The following UNC13C variants were observed in gnomAD, a reference collection of about 807,000 sequenced individuals.
UNC13C encodes protein unc-13 homolog C.
A neutral mutation model predicts 245.4 loss-of-function variants in UNC13C; 174 were observed. The ratio of observed to expected loss-of-function variants is 0.71; its 90% CI spans 0.63 to 0.80. The LOEUF is 0.80. Among genes scored for constraint, UNC13C ranks in the 30% least tolerant of loss-of-function variants. The pLI, the probability that UNC13C is intolerant of heterozygous loss-of-function variation, is 0.00. For synonymous variants in UNC13C, 992 were observed against 895.1 expected (o/e 1.11, Z -1.93); for missense variants, 2,829 against 2,602.9 (o/e 1.09, Z -1.89).
chr15:54,281,862 AT>A (rs2037006019), intron 10 of UNC13C, among the ~76,000 whole-genome samples: 1 of 152,050 alleles, frequency 6.6e-6, no homozygotes, highest in South Asian at 2.1e-4. Flanking sequence ...TCTCATTTTT[AT>A]TTTTTTTCTT....
intron 13 of UNC13C, among the ~76,000 whole-genome samples, chr15:54,310,243 A>G (rs1200844208): frequency 6.6e-6 from 1 of 151,846 alleles, no homozygotes; most frequent in Admixed American, 6.6e-5. Flanking sequence ...TGTTAAAAGT[A>G]AATGATTTTC....
At chr15:54,145,473 G>A (rs953270274) in intron 4 of UNC13C, among the ~76,000 whole-genome samples, 5 of 151,880 alleles carry the variant, frequency 3.3e-5, no homozygotes, top group African/African-American at 9.7e-5. Context: ...AATTACTCTC[G>A]TTCATATTCT....
chr15:54,314,096 T>G (rs1377770674), intron 13 of UNC13C, among the ~76,000 whole-genome samples: 1 of 149,698 alleles, frequency 6.7e-6, no homozygotes, highest in South Asian at 2.1e-4. Context: ...AAAACAAAAC[T>G]GGAATTCACG....
intron 2 of UNC13C, among the ~76,000 whole-genome samples, chr15:54,029,312 A>C (rs1344355785): frequency 6.6e-6 from 1 of 152,216 alleles, no homozygotes; most frequent in Non-Finnish European, 1.5e-5. Flanking sequence ...ATCAACATTT[A>C]TTGAGTGCTA....
chr15:54,060,021 A>T (rs968100985), intron 2 of UNC13C, among the ~76,000 whole-genome samples: 1 of 152,252 alleles, frequency 6.6e-6, no homozygotes, highest in Non-Finnish European at 1.5e-5. Flanking sequence ...ACCCTAGAAG[A>T]AAACCTAGGC....
the UNC13C span, among the ~76,000 whole-genome samples, chr15:53,949,122 AC>A: frequency 1.3e-5 from 2 of 152,204 alleles, no homozygotes; most frequent in Non-Finnish European, 1.5e-5. Context: ...TACATGCTTT[AC>A]CTTTGCAGTG....
At chr15:54,305,288 C>A in intron 13 of UNC13C, among the ~76,000 whole-genome samples, 1 of 152,036 alleles carries the variant, frequency 6.6e-6, no homozygotes, top group Admixed American at 6.6e-5. Context: ...ATATAGGGGT[C>A]TATGTCACCA....
rs193159484 is a variant in UNC13C at position 54,144,015 on chromosome 15, T to C, written c.3071+331T>C. Among the ~76,000 whole-genome samples the C allele has an allele frequency of 2.0e-4, 30 of 152,316 alleles. No individual in the cohort carries two copies. In the East Asian group the frequency reaches 5.6e-3, roughly 28 times the overall value. ...TCATATTGATACAATTAATGCTCTC[T>C]TTCAATGTGCTTGTTTGCACTTAAT... On this transcript the variant is annotated intron_variant, in intron 4 of 32. Transcript: ENST00000260323.
At chr15:54,620,406 A>G (rs1294653630) in intron 30 of UNC13C, among the ~76,000 whole-genome samples, 3 of 152,180 alleles carry the variant, frequency 2.0e-5, no homozygotes, top group Non-Finnish European at 4.4e-5. Context: ...TTAAAACAGC[A>G]TAAGTCTTCC....
the UNC13C span, among the ~76,000 whole-genome samples, chr15:53,951,822 C>A: frequency 6.6e-6 from 1 of 152,138 alleles, no homozygotes. Context: ...CCTCCTAGGA[C>A]ATTTATCTTT....
intron 17 of UNC13C, among the ~76,000 whole-genome samples, chr15:54,347,748 CTT>C (rs2038890365): frequency 6.6e-6 from 1 of 152,108 alleles, no homozygotes; most frequent in Non-Finnish European, 1.5e-5. Flanking sequence ...ATATTTCTCT[CTT>C]TATTGACTTT....
intron 25 of UNC13C, among the ~76,000 whole-genome samples, chr15:54,530,005 T>A (rs543833862): frequency 1.3e-5 from 2 of 152,150 alleles, no homozygotes; most frequent in Non-Finnish European, 2.9e-5. Context: ...CCATCAAAAC[T>A]GGTGTAGGGG....
chr15:53,840,972 G>A, the UNC13C span, among the ~76,000 whole-genome samples: 5 of 152,148 alleles, frequency 3.3e-5, no homozygotes, highest in African/African-American at 4.8e-5. Flanking sequence ...AATTCAGAGG[G>A]TTATTCTGGC....
chr15:54,313,159 A>T (rs1210287549), intron 13 of UNC13C, among the ~76,000 whole-genome samples: 1 of 151,750 alleles, frequency 6.6e-6, no homozygotes, highest in Non-Finnish European at 1.5e-5. Context: ...AAAAGTTAAA[A>T]TGCTGCTTTC....
chr15:54,084,332 C>T (rs1016887103), intron 2 of UNC13C, among the ~76,000 whole-genome samples: 5 of 152,172 alleles, frequency 3.3e-5, no homozygotes, highest in African/African-American at 1.2e-4. Flanking sequence ...TGGATTCTAG[C>T]AAAGTTCATT....
At chr15:54,339,344 C>T (rs901770708) in intron 17 of UNC13C, among the ~76,000 whole-genome samples, 1 of 152,002 alleles carries the variant, frequency 6.6e-6, no homozygotes, top group Non-Finnish European at 1.5e-5. Context: ...GTAGTGATTT[C>T]TGAGATTTCG....
At chr15:54,604,203 T>G (rs957369425) in intron 30 of UNC13C, among the ~76,000 whole-genome samples, 2 of 152,190 alleles carry the variant, frequency 1.3e-5, no homozygotes, top group African/African-American at 4.8e-5. Context: ...TATATCACAA[T>G]GTGGTCTGAT....
intron 30 of UNC13C, among the ~76,000 whole-genome samples, chr15:54,584,241 CAA>C (rs1254379733): frequency 6.6e-6 from 1 of 152,170 alleles, no homozygotes; most frequent in African/African-American, 2.4e-5. Context: ...TGTTTACTGA[CAA>C]TATATATTTA....
At chr15:54,473,860 T>G (rs1460845037) in intron 19 of UNC13C, among the ~76,000 whole-genome samples, 1 of 151,458 alleles carries the variant, frequency 6.6e-6, no homozygotes, top group Non-Finnish European at 1.5e-5. Context: ...CATTAACCAG[T>G]TTCTCATCAT....
Sources: gnomAD v4.1 joint callset for allele counts (sites outside exome capture counted in the v4.1 genomes callset) on GRCh38, gnomAD v4.1.1 for gene constraint, MANE v1.5 for transcripts, NCBI Gene and HGNC (gene_info 2026-07-23, HGNC 2026-07-21) for gene names.